IL17B: variants seen among roughly 807,000 people sequenced by gnomAD.
IL17B encodes the protein interleukin 17B.
In IL17B, 14 loss-of-function variants were observed where a neutral mutation model predicts 14.7. The observed-to-expected ratio is 0.95, with a 90% CI of 0.63 to 1.49. IL17B has a LOEUF of 1.49. IL17B is among the 40% of genes most tolerant of loss of function. The pLI is 0.00. For synonymous variants in IL17B, 105 were observed against 94.8 expected (o/e 1.11, Z -0.62); for missense variants, 233 against 252.8 (o/e 0.92, Z 0.53).
At chr5:149,396,742 G>A (rs1278090238) in intron 1 of IL17B, among the ~76,000 whole-genome samples, 4 of 152,128 alleles carry the variant, frequency 2.6e-5, no homozygotes, top group Admixed American at 6.6e-5. Context: ...CAACCTGGGC[G>A]ACAGAGTGAA....
chr5:149,393,809 G>A (rs1160007362), intron 1 of IL17B, among the ~76,000 whole-genome samples: 1 of 152,062 alleles, frequency 6.6e-6, no homozygotes, highest in African/African-American at 2.4e-5. Flanking sequence ...AGTCACATGA[G>A]CCAATGAACT....
upstream of IL17B, among the ~76,000 whole-genome samples, chr5:149,382,729 G>A (rs1758729120): frequency 6.6e-6 from 1 of 152,202 alleles, no homozygotes; most frequent in Non-Finnish European, 1.5e-5. Context: ...ATTGAGCACG[G>A]TCTGTGATGG....
At position 149,374,782 on chromosome 5, in the gene IL17B, A is replaced by G; in HGVS notation, c.312-182T>C. 1 of 575,390 alleles carries G rather than the reference A, an allele frequency of 1.7e-6. No homozygotes were observed. The highest frequency in any genetic ancestry group is 3.1e-6 in the Non-Finnish European group (1 of 325,810). 35.6% of individuals were successfully genotyped at this position (575,390 alleles called of 1,614,324 possible). The stretch of plus-strand genomic sequence containing the variant: ...ACGTGAGGAAACTGAAGATCATGGA[A>G]GGCAAGTCGAGAGCCCCAAGGTTAT... On this transcript the variant is annotated intron_variant, in intron 2 of 2. Transcript: ENST00000261796. This position sits in a 1 kb window ranked among gnomAD's most constrained non-coding sequence, Gnocchi z 5.0.
At chr5:149,397,295 G>A (rs1253429433) in intron 1 of IL17B, among the ~76,000 whole-genome samples, 1 of 151,970 alleles carries the variant, frequency 6.6e-6, no homozygotes, top group Admixed American at 6.6e-5. Context: ...TCAGCCTCCC[G>A]AGTAGCAGGA....
intron 1 of IL17B, among the ~76,000 whole-genome samples, chr5:149,387,498 G>A (rs777492154): frequency 6.6e-6 from 1 of 152,170 alleles, no homozygotes; most frequent in South Asian, 2.1e-4. Context: ...CTCAGGCGCC[G>A]TGGCTTATGC....
chr5:149,380,683 G>A (rs1335577524), upstream of IL17B, among the ~76,000 whole-genome samples: 1 of 152,236 alleles, frequency 6.6e-6, no homozygotes, highest in Non-Finnish European at 1.5e-5. Flanking sequence ...GAGGAGGACA[G>A]AGGAGGGGCA....
intron 1 of IL17B, among the ~76,000 whole-genome samples, chr5:149,400,939 G>A (rs1000303963): frequency 6.6e-6 from 1 of 152,172 alleles, no homozygotes; most frequent in Non-Finnish European, 1.5e-5. Context: ...TCAGGCTCTC[G>A]ATGGACTAGA....
chr5:149,391,185 T>G (rs1758944570), intron 1 of IL17B, among the ~76,000 whole-genome samples: 1 of 152,222 alleles, frequency 6.6e-6, no homozygotes, highest in Non-Finnish European at 1.5e-5. Context: ...AGACTGGTCT[T>G]GAACTCCTGA....
upstream of IL17B, among the ~76,000 whole-genome samples, chr5:149,379,514 C>T (rs939835632): frequency 1.6e-4 from 24 of 152,348 alleles, no homozygotes; most frequent in African/African-American, 5.8e-4. Flanking sequence ...GGGGCTCTGG[C>T]CGGTGGCACC....
At chr5:149,399,923 T>G (rs932508050) in intron 1 of IL17B, among the ~76,000 whole-genome samples, 21 of 152,160 alleles carry the variant, frequency 1.4e-4, no homozygotes, top group Non-Finnish European at 8.8e-5. Context: ...CCTTGTAAGC[T>G]AAAAACTACA....
chr5:149,390,903 G>C (rs1758936474), intron 1 of IL17B, among the ~76,000 whole-genome samples: 1 of 151,888 alleles, frequency 6.6e-6, no homozygotes, highest in Non-Finnish European at 1.5e-5. Flanking sequence ...TTTATTGTTA[G>C]GAGTTTATGG....
intron 1 of IL17B, among the ~76,000 whole-genome samples, chr5:149,402,689 TAAAAAA>T (rs370816490): frequency 1.4e-5 from 2 of 139,186 alleles, no homozygotes; most frequent in Non-Finnish European, 3.1e-5. Context: ...ACCATGCTTT[TAAAAAA>T]AAAAAAAAAA....
upstream of IL17B, among the ~76,000 whole-genome samples, chr5:149,380,370 G>C (rs765987986): frequency 6.6e-6 from 1 of 152,194 alleles, no homozygotes; most frequent in Admixed American, 6.5e-5. Flanking sequence ...TAAAATAATT[G>C]TATAATTATT....
In IL17B at chr5:149,374,660, C is replaced by A; in HGVS notation, c.312-60G>T. The A allele has an allele frequency of 2.3e-6, 3 of 1,284,790 alleles. No homozygotes were observed. The South Asian group carries it at 3.9e-5, about 17-fold the overall frequency. 79.6% of individuals were successfully genotyped at this position (1,284,790 alleles called of 1,614,324 possible). ...TGATCAGGAAAGGGCCAGTCAGCAC[C>A]CATACTCCACACCCCTGCCTTTCCT... On this transcript the variant is annotated intron_variant, in intron 2 of 2. Coordinates refer to ENST00000261796, the MANE Select transcript of IL17B (RefSeq NM_014443.3). This position sits in a 1 kb window ranked among gnomAD's most constrained non-coding sequence, Gnocchi z 5.0.
At chr5:149,394,292 A>G (rs2127621840) in intron 1 of IL17B, among the ~76,000 whole-genome samples, 1 of 152,366 alleles carries the variant, frequency 6.6e-6, no homozygotes, top group African/African-American at 2.4e-5. Context: ...AACTGCGGCC[A>G]TCTGAAATAC....
intron 1 of IL17B, among the ~76,000 whole-genome samples, chr5:149,400,581 TG>T (rs2127623322): frequency 6.6e-6 from 1 of 152,290 alleles, no homozygotes; most frequent in East Asian, 1.9e-4. Flanking sequence ...ATTCTTCACA[TG>T]ACAGTGGAGC....
At chr5:149,381,142 T>G (rs1758685835), upstream of IL17B, among the ~76,000 whole-genome samples, 1 of 152,234 alleles carries the variant, frequency 6.6e-6, no homozygotes. Flanking sequence ...AACTGAAAGA[T>G]GGATGCTGGG....
At chr5:149,386,128 T>C (rs1581390783) in intron 1 of IL17B, among the ~76,000 whole-genome samples, 1 of 152,302 alleles carries the variant, frequency 6.6e-6, no homozygotes. Context: ...CTGTTTTTAT[T>C]GTGGTTGTTT....
At chr5:149,390,593 A>G (rs1164061415) in intron 1 of IL17B, among the ~76,000 whole-genome samples, 4 of 109,910 alleles carry the variant, frequency 3.6e-5, no homozygotes, top group African/African-American at 1.0e-4. Flanking sequence ...GTTAGCACAC[A>G]CACACACACA....
Sources: gnomAD v4.1 joint callset for allele counts (sites outside exome capture counted in the v4.1 genomes callset) on GRCh38, gnomAD v4.1.1 for gene constraint, Gnocchi (gnomAD v3.1) non-coding constraint, MANE v1.5 for transcripts, NCBI Gene and HGNC (gene_info 2026-07-23, HGNC 2026-07-21) for gene names.